The following SLC13A3 variants were observed in gnomAD, a reference collection of about 807,000 sequenced individuals.
SLC13A3 encodes Na(+)/dicarboxylate cotransporter 3.
In SLC13A3, 40 loss-of-function variants were observed where a neutral mutation model predicts 59.0. That is an observed-to-expected ratio of 0.68 (90% CI 0.53 to 0.88). The LOEUF (loss-of-function observed/expected upper bound fraction) is 0.88, where lower values mean the gene tolerates loss of function less well. Among genes scored for constraint, SLC13A3 ranks in the 40% least tolerant of loss-of-function variants. The pLI is 0.00. For missense variants in SLC13A3, 699 were observed against 783.2 expected, an observed-to-expected ratio of 0.89 and a Z score of 1.28; for synonymous variants, 317 against 330.3, an observed-to-expected ratio of 0.96 and a Z score of 0.44.
intron 6 of SLC13A3, among the ~76,000 whole-genome samples, chr20:46,590,644 T>C (rs988447574): frequency 6.6e-6 from 1 of 152,280 alleles, no homozygotes; most frequent in African/African-American, 2.4e-5. Context: ...TCTTATCAGA[T>C]TGGCAAAAAT....
chr20:46,582,910 A>G (rs2064342), intron 9 of SLC13A3: 428,087 of 985,070 alleles, frequency 0.43, 96,562 homozygotes, highest in African/African-American at 0.75. Flanking sequence ...CACAGTCTAC[A>G]ACATTTTGGT....
At chr20:46,674,226 A>G (rs996933040), upstream of SLC13A3, among the ~76,000 whole-genome samples, 1 of 152,076 alleles carries the variant, frequency 6.6e-6, no homozygotes, top group Non-Finnish European at 1.5e-5. Context: ...AGGTCTCTGC[A>G]GCTCCAAGAA....
At chr20:46,644,358 A>G (rs1447061267) in intron 1 of SLC13A3, among the ~76,000 whole-genome samples, 1 of 152,184 alleles carries the variant, frequency 6.6e-6, no homozygotes, top group Non-Finnish European at 1.5e-5. Context: ...ATTAGACCCA[A>G]TCTCCAGATG....
intron 1 of SLC13A3, among the ~76,000 whole-genome samples, chr20:46,657,516 T>G (rs1222261787): frequency 6.6e-6 from 1 of 152,166 alleles, no homozygotes; most frequent in Non-Finnish European, 1.5e-5. Flanking sequence ...CTTTCAGTGC[T>G]CTTGCAAAGG....
At chr20:46,681,591 G>A (rs193238478) in intron 1 of SLC13A3, 3 of 152,336 alleles carry the variant, frequency 2.0e-5, no homozygotes, top group African/African-American at 4.8e-5. Context: ...ATTAAAGGAC[G>A]CAAGGGAAGA....
At chr20:46,621,306 T>C (rs143385788) in intron 1 of SLC13A3, among the ~76,000 whole-genome samples, 132 of 152,302 alleles carry the variant, frequency 8.7e-4, no homozygotes, top group Middle Eastern at 3.4e-3. Context: ...CTTATGGTCC[T>C]GATATGGTTT....
chr20:46,570,159 C>T (rs866395186), intron 10 of SLC13A3, among the ~76,000 whole-genome samples: 3 of 152,312 alleles, frequency 2.0e-5, no homozygotes, highest in South Asian at 2.1e-4. Flanking sequence ...ATCTCTGTTC[C>T]TTGATTTCTT....
At chr20:46,625,937 T>C (rs2062664373) in intron 1 of SLC13A3, among the ~76,000 whole-genome samples, 2 of 152,334 alleles carry the variant, frequency 1.3e-5, no homozygotes, top group South Asian at 2.1e-4. Flanking sequence ...ATTTCCAGTT[T>C]GGGGCTACTA....
rs537694605 is a variant in SLC13A3 at position 46,599,913 on chromosome 20, G to A, written c.608+58C>T. 510 of 1,318,292 alleles carry A rather than the reference G, an allele frequency of 3.9e-4. 8 individuals carry two copies. In the South Asian group the frequency reaches 7.3e-3, roughly 19 times the overall value. 81.7% of individuals were successfully genotyped at this position (1,318,292 alleles called of 1,614,324 possible). ...AAATGGTTTGCAGCATTGAATTCTT[G>A]TTCATCATCTCCTTGAATCAAGCAC... On this transcript the variant is annotated intron_variant, in intron 4 of 12. Coordinates refer to ENST00000279027, the MANE Select transcript of SLC13A3 (RefSeq NM_022829.6).
At position 46,610,877 on chromosome 20, in the gene SLC13A3, A is replaced by G. The variant is rs34121815; in HGVS notation, c.378-268T>C. Among the ~76,000 whole-genome samples, 985 of 152,148 alleles carry G rather than the reference A, an allele frequency of 6.5e-3. 10 individuals are homozygous for G. Among genetic ancestry groups the G allele is most frequent in the Non-Finnish European group, 0.012 (784 of 67,996 alleles). ...TCTCTTTCTTGCCCTCAAATCCTCA[A>G]TGATACCCATTTCAGAATAAAGTTG... On this transcript the variant is annotated intron_variant, in intron 2 of 12. Transcript: ENST00000279027.
intron 1 of SLC13A3, among the ~76,000 whole-genome samples, chr20:46,683,490 C>T (rs964819102): frequency 2.0e-5 from 3 of 152,208 alleles, no homozygotes; most frequent in East Asian, 3.9e-4. Context: ...GTGGGGGTGC[C>T]GAGATTCATA....
chr20:46,561,135 T>C (rs757673258), intron 12 of SLC13A3, among the ~76,000 whole-genome samples: 24 of 152,174 alleles, frequency 1.6e-4, no homozygotes, highest in Non-Finnish European at 2.9e-4. Flanking sequence ...GAAAGGCTCA[T>C]CAGAGACTCA....
intron 1 of SLC13A3, among the ~76,000 whole-genome samples, chr20:46,628,130 G>T (rs984777501): frequency 5.3e-5 from 8 of 152,180 alleles, no homozygotes; most frequent in African/African-American, 1.9e-4. Context: ...GCTTCCCTCG[G>T]ATCTTCAAGG....
At chr20:46,561,521 A>G (rs2061930135) in intron 12 of SLC13A3, among the ~76,000 whole-genome samples, 1 of 151,838 alleles carries the variant, frequency 6.6e-6, no homozygotes, top group South Asian at 2.1e-4. Flanking sequence ...TATCAGGGAG[A>G]GCTTAATTCT....
chr20:46,616,546 G>A (rs557895218), intron 1 of SLC13A3, among the ~76,000 whole-genome samples: 2 of 152,154 alleles, frequency 1.3e-5, no homozygotes, highest in Admixed American at 6.5e-5. Context: ...GAACCCCAAA[G>A]CTCCCCCAAC....
At chr20:46,600,915 A>G (rs2062373988) in intron 3 of SLC13A3, among the ~76,000 whole-genome samples, 1 of 152,230 alleles carries the variant, frequency 6.6e-6, no homozygotes, top group African/African-American at 2.4e-5. Context: ...TCCCTTCAAC[A>G]GAGAAGACAC....
intron 6 of SLC13A3, among the ~76,000 whole-genome samples, chr20:46,590,213 G>T (rs1600526765): frequency 1.3e-5 from 2 of 151,580 alleles, no homozygotes; most frequent in South Asian, 4.2e-4. Context: ...AGGTTTAAAT[G>T]TAAAAAAAAA....
chr20:46,612,124 C>CTTTTTTTTTTTTTTTTTTTTTTT (rs57019153), intron 2 of SLC13A3, among the ~76,000 whole-genome samples: 2 of 68,934 alleles, frequency 2.9e-5, no homozygotes, highest in African/African-American at 6.7e-5. Context: ...TCTCTCTTTG[C>CTTTTTTTTTTTTTTTTTTTTTTT]TTTTTTTTTT....
intron 9 of SLC13A3, among the ~76,000 whole-genome samples, chr20:46,577,708 G>A (rs755762730): frequency 2.6e-5 from 4 of 152,214 alleles, no homozygotes; most frequent in Non-Finnish European, 5.9e-5. Context: ...CACAATCTCT[G>A]ACTATGTGGA....
Sources: gnomAD v4.1 joint callset for allele counts (sites outside exome capture counted in the v4.1 genomes callset) on GRCh38, gnomAD v4.1.1 for gene constraint, MANE v1.5 for transcripts, NCBI Gene and HGNC (gene_info 2026-07-23, HGNC 2026-07-21) for gene names.